Variants in IL12RB2 observed in about 807,000 individuals in gnomAD.
IL12RB2 encodes the protein interleukin-12 receptor subunit beta-2.
In IL12RB2, 82 loss-of-function variants were observed where a neutral mutation model predicts 89.4. That is an observed-to-expected ratio of 0.92 (90% CI 0.77 to 1.10). IL12RB2 has a LOEUF of 1.10. Ranked by LOEUF, IL12RB2 falls within the 50% of genes least tolerant of loss-of-function variation. The pLI, the probability that IL12RB2 is intolerant of heterozygous loss-of-function variation, is 0.00. For missense variants in IL12RB2, 963 were observed against 1,031.9 expected, an observed-to-expected ratio of 0.93 and a Z score of 0.92; for synonymous variants, 368 against 370.1, an observed-to-expected ratio of 0.99 and a Z score of 0.07.
intron 2 of IL12RB2, among the ~76,000 whole-genome samples, chr1:67,314,936 C>A (rs1237517879): frequency 6.9e-6 from 1 of 144,108 alleles, no homozygotes; most frequent in East Asian, 2.1e-4. Flanking sequence ...TTTTCTGATT[C>A]AAGACAGAGT....
At chr1:67,393,589 A>C (rs939205137) in intron 16 of IL12RB2, among the ~76,000 whole-genome samples, 5 of 152,218 alleles carry the variant, frequency 3.3e-5, no homozygotes, top group African/African-American at 1.2e-4. Flanking sequence ...ATCAGAAAAG[A>C]GCAGTCTCCC....
chr1:67,364,129 G>A lies in IL12RB2; in HGVS notation c.1259-3696G>A, dbSNP rs867083773. 4.6e-5 allele frequency among the ~76,000 whole-genome samples: 7 copies of A among 152,302 alleles called. No individual in the cohort carries two copies. In the Middle Eastern group the frequency reaches 0.01, roughly 222 times the overall value. ...CATATAGGCCAGCACAGTGGCTCAC[G>A]CCTGTAATCCCAGCACTTTGGAAGG... On this transcript the variant is annotated intron_variant, in intron 10 of 16. Coordinates refer to ENST00000674203, the MANE Select transcript of IL12RB2 (RefSeq NM_001374259.2).
chr1:67,391,572 A>G (rs2100304681), intron 16 of IL12RB2, among the ~76,000 whole-genome samples: 1 of 150,004 alleles, frequency 6.7e-6, no homozygotes, highest in Middle Eastern at 3.5e-3. Flanking sequence ...TCTTCTATGT[A>G]CCAGGCACTT....
chr1:67,379,325 C>T (rs182114961), intron 13 of IL12RB2, among the ~76,000 whole-genome samples: 1 of 150,636 alleles, frequency 6.6e-6, no homozygotes, highest in African/African-American at 2.4e-5. Context: ...GCCTGGCCAA[C>T]ATGGTGAAAC....
intron 1 of IL12RB2, among the ~76,000 whole-genome samples, chr1:67,311,375 G>C (rs1463805477): frequency 6.6e-6 from 1 of 152,170 alleles, no homozygotes; most frequent in Non-Finnish European, 1.5e-5. Flanking sequence ...ATCAAGCTTG[G>C]ATTTTTATTT....
intron 2 of IL12RB2, among the ~76,000 whole-genome samples, chr1:67,317,555 G>T (rs1157666949): frequency 6.6e-6 from 1 of 152,074 alleles, no homozygotes; most frequent in African/African-American, 2.4e-5. Context: ...GGCCCACTTG[G>T]TTAATCCAGA....
intron 14 of IL12RB2, among the ~76,000 whole-genome samples, chr1:67,385,365 T>C (rs1319085833): frequency 6.6e-6 from 1 of 152,160 alleles, no homozygotes; most frequent in Admixed American, 6.5e-5. Flanking sequence ...CCTCATAGCA[T>C]GAGAAGAGTA....
In IL12RB2 at chr1:67,383,126, C is replaced by T. The variant is rs577533870; in HGVS notation, c.1855+3003C>T. 1.4e-4 allele frequency among the ~76,000 whole-genome samples: 22 copies of T among 152,242 alleles called. No individual in the cohort carries two copies. The South Asian group carries it at 3.1e-3, about 22-fold the overall frequency. On this transcript the variant is annotated intron_variant, in intron 14 of 16. Coordinates refer to ENST00000674203, the MANE Select transcript of IL12RB2 (RefSeq NM_001374259.2). ...GGGGAAGCCTAAGGAAACTTATAAT[C>T]GTGGCAGAAGGGAAAGCAAACATGT...
At chr1:67,316,561 G>A (rs181515631) in intron 2 of IL12RB2, among the ~76,000 whole-genome samples, 1 of 151,928 alleles carries the variant, frequency 6.6e-6, no homozygotes, top group East Asian at 1.9e-4. Flanking sequence ...TAAAATCTAG[G>A]CTCCCTTTTT....
intron 9 of IL12RB2, among the ~76,000 whole-genome samples, chr1:67,339,146 G>A (rs977697470): frequency 7.2e-5 from 11 of 152,208 alleles, no homozygotes; most frequent in Admixed American, 6.5e-4. Context: ...GAGGGAGAAG[G>A]AGGAAAGAAA....
At chr1:67,383,593 T>C (rs1158546066) in intron 14 of IL12RB2, among the ~76,000 whole-genome samples, 3 of 152,116 alleles carry the variant, frequency 2.0e-5, no homozygotes, top group Non-Finnish European at 2.9e-5. Context: ...GGTACAGGCA[T>C]TGGGAAAATA....
intron 1 of IL12RB2, among the ~76,000 whole-genome samples, chr1:67,311,019 G>A (rs11209049): frequency 0.15 from 23,345 of 151,992 alleles, 1,852 homozygotes; most frequent in Admixed American, 0.18. Flanking sequence ...CACCACGTCC[G>A]TCCAGTAGGT....
intron 13 of IL12RB2, among the ~76,000 whole-genome samples, chr1:67,378,087 A>C (rs1308502164): frequency 6.6e-6 from 1 of 152,118 alleles, no homozygotes; most frequent in Admixed American, 6.5e-5. Context: ...ATTGCACTCC[A>C]GCCTGGGTGA....
chr1:67,318,359 G>A (rs1175342841), intron 2 of IL12RB2, among the ~76,000 whole-genome samples: 2 of 152,140 alleles, frequency 1.3e-5, no homozygotes, highest in Non-Finnish European at 1.5e-5. Context: ...GGGGTAACAT[G>A]ATCTGATTTA....
chr1:67,383,825 A>G (rs1664859331), intron 14 of IL12RB2, among the ~76,000 whole-genome samples: 1 of 152,238 alleles, frequency 6.6e-6, no homozygotes, highest in Non-Finnish European at 1.5e-5. Flanking sequence ...TCACTCATGC[A>G]AAAATTCAAA....
intron 10 of IL12RB2, among the ~76,000 whole-genome samples, chr1:67,361,472 T>C (rs903476537): frequency 6.6e-6 from 1 of 151,590 alleles, no homozygotes; most frequent in African/African-American, 2.4e-5. Flanking sequence ...TAAGAAAGGG[T>C]CAAAAAAGAA....
intron 13 of IL12RB2, among the ~76,000 whole-genome samples, chr1:67,377,670 C>T (rs549905122): frequency 1.9e-3 from 286 of 151,448 alleles, no homozygotes; most frequent in African/African-American, 6.6e-3. Context: ...CACTTTGCCT[C>T]ATTGCCTATC....
chr1:67,342,114 ACT>A (rs1659695526), intron 9 of IL12RB2, among the ~76,000 whole-genome samples: 1 of 151,316 alleles, frequency 6.6e-6, no homozygotes, highest in Admixed American at 6.6e-5. Context: ...TAGAAGGAAA[ACT>A]CTGCAGCCAG....
At chr1:67,348,606 G>A (rs1274925579) in intron 9 of IL12RB2, among the ~76,000 whole-genome samples, 1 of 151,758 alleles carries the variant, frequency 6.6e-6, no homozygotes, top group Non-Finnish European at 1.5e-5. Flanking sequence ...ATCAGGACAA[G>A]GCATAATCCA....
Sources: gnomAD v4.1 joint callset for allele counts (sites outside exome capture counted in the v4.1 genomes callset) on GRCh38, gnomAD v4.1.1 for gene constraint, MANE v1.5 for transcripts, NCBI Gene and HGNC (gene_info 2026-07-23, HGNC 2026-07-21) for gene names.